The following VDR variants were observed in gnomAD, a reference collection of about 807,000 sequenced individuals.
VDR encodes the protein vitamin D receptor.
In VDR, 19 loss-of-function variants were observed where a neutral mutation model predicts 39.7. That is an observed-to-expected ratio of 0.48 (90% CI 0.33 to 0.70). The LOEUF is 0.70. Among genes scored for constraint, VDR ranks in the 30% least tolerant of loss-of-function variants. The pLI, the probability that VDR is intolerant of heterozygous loss-of-function variation, is 0.02. For synonymous variants in VDR, 242 were observed against 215.8 expected, an observed-to-expected ratio of 1.12 and a Z score of -1.07; for missense variants, 442 against 570.5, an observed-to-expected ratio of 0.77 and a Z score of 2.29.
At chr12:47,860,262 G>A (rs767440076) in intron 4 of VDR, among the ~76,000 whole-genome samples, 5 of 152,062 alleles carry the variant, frequency 3.3e-5, no homozygotes, top group Admixed American at 6.6e-5. Flanking sequence ...TACCATGCCC[G>A]GCCTTTGTCT....
intron 1 of VDR, among the ~76,000 whole-genome samples, chr12:47,889,220 G>A (rs1400711581): frequency 6.6e-6 from 1 of 152,034 alleles, no homozygotes; most frequent in Non-Finnish European, 1.5e-5. Context: ...ACACAGTAAG[G>A]AAGTATACTT....
At chr12:47,873,130 G>A (rs950484834) in intron 3 of VDR, among the ~76,000 whole-genome samples, 3 of 152,112 alleles carry the variant, frequency 2.0e-5, no homozygotes, top group African/African-American at 7.2e-5. Context: ...GGACATGATT[G>A]GATCATGGGG....
chr12:47,863,934 A>G (rs1945674581), intron 4 of VDR, among the ~76,000 whole-genome samples: 1 of 152,138 alleles, frequency 6.6e-6, no homozygotes, highest in Non-Finnish European at 1.5e-5. Context: ...CTGTTCTGTG[A>G]CTTATCCTCT....
At chr12:47,878,819 G>T in intron 3 of VDR, 149 bp downstream of exon 3, 1 of 1,255,406 alleles carries the variant, frequency 8.0e-7, no homozygotes. Flanking sequence ...CACTCACCAA[G>T]ACCCTCCTGC....
chr12:47,904,571 T>C (rs894655103), intron 1 of VDR: 1 of 1,517,986 alleles, frequency 6.6e-7, no homozygotes, highest in Non-Finnish European at 8.8e-7. Flanking sequence ...CACCCTCCAC[T>C]CCAGCAGTTC....
At chr12:47,879,724 T>G (rs984604316) in intron 2 of VDR, among the ~76,000 whole-genome samples, 7 of 152,220 alleles carry the variant, frequency 4.6e-5, no homozygotes, top group Non-Finnish European at 1.0e-4. Flanking sequence ...ATGCCCCTGG[T>G]GTTCCTGTAC....
At chr12:47,874,985 C>T (rs1481399774) in intron 3 of VDR, among the ~76,000 whole-genome samples, 1 of 152,172 alleles carries the variant, frequency 6.6e-6, no homozygotes, top group Non-Finnish European at 1.5e-5. Flanking sequence ...CCTGCCTGTG[C>T]CAACCTTATA....
intron 7 of VDR, among the ~76,000 whole-genome samples, chr12:47,852,115 A>C (rs79355871): frequency 0.022 from 3,401 of 152,274 alleles, 128 homozygotes; most frequent in African/African-American, 0.074. Context: ...CATTGGAGTA[A>C]TCCGATTTAA....
chr12:47,899,548 TG>T (rs763861502), intron 1 of VDR, among the ~76,000 whole-genome samples: 7 of 152,258 alleles, frequency 4.6e-5, no homozygotes, highest in Non-Finnish European at 7.3e-5. Context: ...TCAGACCCTG[TG>T]TTTCTCCTGT....
At chr12:47,845,116 G>A in intron 9 of VDR, 111 bp from the exon 10 acceptor site, 1 of 1,536,126 alleles carries the variant, frequency 6.5e-7, no homozygotes, top group Non-Finnish European at 8.9e-7. Context: ...CACCCCCTAG[G>A]CCACCCCTCT....
intron 9 of VDR, 95 bp from the exon 10 acceptor site, chr12:47,845,100 C>A: frequency 1.3e-6 from 2 of 1,580,596 alleles, no homozygotes; most frequent in Admixed American, 3.3e-5. Context: ...AGACACTCAA[C>A]GGCAGCACCC....
At chr12:47,894,934 G>T (rs1037236482) in intron 1 of VDR, among the ~76,000 whole-genome samples, 4 of 152,342 alleles carry the variant, frequency 2.6e-5, no homozygotes, top group Middle Eastern at 3.4e-3. Context: ...GGGAAGGCCC[G>T]CGGGAGCCAG....
chr12:47,847,133 T>A (rs897763200), intron 7 of VDR, among the ~76,000 whole-genome samples: 2 of 152,076 alleles, frequency 1.3e-5, no homozygotes, highest in African/African-American at 4.8e-5. Context: ...AATATGGTGG[T>A]CTGCAAAAGG....
chr12:47,854,638 G>T (rs1945447444), intron 7 of VDR, among the ~76,000 whole-genome samples: 1 of 152,210 alleles, frequency 6.6e-6, no homozygotes, highest in Admixed American at 6.5e-5. Flanking sequence ...AAGCCAGCTG[G>T]AGTGAACACA....
chr12:47,885,114 C>G (rs1277572544), intron 1 of VDR, among the ~76,000 whole-genome samples: 1 of 152,198 alleles, frequency 6.6e-6, no homozygotes, highest in African/African-American at 2.4e-5. Context: ...GAACATCCCA[C>G]TGCTTTTGCT....
chr12:47,858,164 A>C (rs1945534290), intron 4 of VDR, among the ~76,000 whole-genome samples: 1 of 152,210 alleles, frequency 6.6e-6, no homozygotes, highest in Non-Finnish European at 1.5e-5. Context: ...AACTGGATGC[A>C]TGCCTGGCCC....
chr12:47,880,163 C>A (rs946210742), intron 2 of VDR, among the ~76,000 whole-genome samples: 1 of 152,132 alleles, frequency 6.6e-6, no homozygotes, highest in Non-Finnish European at 1.5e-5. Flanking sequence ...TTCAGTGACC[C>A]CTTTGACCCT....
intron 5 of VDR, 58 bp downstream of exon 5, chr12:47,857,446 C>T: frequency 6.2e-7 from 1 of 1,613,012 alleles, no homozygotes. Flanking sequence ...TCCCTGGGCC[C>T]TGGCTCCACT....
Position 47,904,955 on chromosome 12 carries a change from C to A in VDR, c.-84G>T. On this transcript the variant is annotated splice_region_variant and 5_prime_UTR_variant, in exon 1 of 10. Coordinates refer to ENST00000549336, the MANE Select transcript of VDR (RefSeq NM_000376.3). ...TTTCCCGCTGCTCCCGGGTTCGCACCTGGTCCGGCCGGCGGGTGGACAAGC... is the reference window on the plus strand; with the variant it reads ...TTTCCCGCTGCTCCCGGGTTCGCACATGGTCCGGCCGGCGGGTGGACAAGC... 1 of 191,032 alleles carries A rather than the reference C, an allele frequency of 5.2e-6. No individual in the cohort carries two copies. 11.8% of individuals were successfully genotyped at this position (191,032 alleles called of 1,614,324 possible). A position where few individuals can be genotyped will look rare whatever the true frequency, so the allele number is the denominator to read the frequency against.
Sources: allele counts gnomAD v4.1 joint callset (sites outside exome capture counted in the v4.1 genomes callset), GRCh38; gene constraint gnomAD v4.1.1; transcripts MANE v1.5; gene names NCBI Gene and HGNC (gene_info 2026-07-23, HGNC 2026-07-21).